Variants in SNX30 observed in about 807,000 individuals in gnomAD.
The protein encoded by SNX30 is sorting nexin family member 30, also known as sorting nexin-30.
SNX30 carries 24 observed loss-of-function variants against 46.4 expected under a neutral mutation model. The observed-to-expected ratio is 0.52, with a 90% CI of 0.37 to 0.73. The LOEUF (loss-of-function observed/expected upper bound fraction) is 0.73. Ranked by LOEUF, SNX30 falls within the 30% of genes least tolerant of loss-of-function variation. The pLI is 0.00. For missense variants in SNX30, 533 were observed against 555.7 expected (o/e 0.96, Z 0.41); for synonymous variants, 189 against 211.5 (o/e 0.89, Z 0.92).
In SNX30 at chr9:112,836,415, C is replaced by G. The variant is rs763790191; in HGVS notation, c.814+6C>G. ...GATCATCAAAGAAGAAATAGGTGAG[C>G]TGTCTGTTGAGGTCTCGATTATGCC... On this transcript the variant is annotated splice_donor_region_variant and intron_variant, in intron 5 of 8. Transcript: ENST00000374232. The G allele has an allele frequency of 6.3e-7, 1 of 1,587,192 alleles. No individual in the cohort carries two copies. Among genetic ancestry groups the G allele is most frequent in the Non-Finnish European group, 8.6e-7 (1 of 1,157,472 alleles).
At chr9:112,811,845 TTACTA>T (rs1414264695) in intron 2 of SNX30, among the ~76,000 whole-genome samples, 2 of 152,242 alleles carry the variant, frequency 1.3e-5, no homozygotes, top group African/African-American at 2.4e-5. Context: ...AAAAAATTGT[TTACTA>T]TAGGTATTCA....
intron 4 of SNX30, among the ~76,000 whole-genome samples, chr9:112,832,432 G>C (rs895302715): frequency 1.1e-4 from 7 of 65,280 alleles, no homozygotes; most frequent in Non-Finnish European, 2.1e-4. Flanking sequence ...AAGTAGGAAA[G>C]AGAGAGAGAG....
chr9:112,805,857 A>G (rs558542023), intron 2 of SNX30, among the ~76,000 whole-genome samples: 146 of 152,358 alleles, frequency 9.6e-4, no homozygotes, highest in African/African-American at 3.4e-3. Context: ...AACTCGCTCA[A>G]AGTTACAAAG....
chr9:112,820,466 G>C (rs1840474269), intron 3 of SNX30, among the ~76,000 whole-genome samples: 1 of 152,102 alleles, frequency 6.6e-6, no homozygotes, highest in Non-Finnish European at 1.5e-5. Flanking sequence ...CCCTGCCTTG[G>C]GGAACTTATT....
intron 3 of SNX30, among the ~76,000 whole-genome samples, chr9:112,822,455 A>G (rs1222190739): frequency 6.6e-6 from 1 of 151,354 alleles, no homozygotes; most frequent in Non-Finnish European, 1.5e-5. Context: ...GCTTGTATGT[A>G]CCCCTGATAC....
chr9:112,804,779 C>A lies in SNX30; in HGVS notation c.160C>A (p.Leu54Ile). Residue 54 changes from leucine (L) to isoleucine (I), a missense_variant, in exon 2 of 9, where the codon CTC (leucine) becomes ATC (isoleucine). Around this residue, in one of 3 missense-constraint regions of SNX30, gnomAD observed 191 missense variants for 160.3 expected, o/e 1.19. Coordinates refer to ENST00000374232, the MANE Select transcript of SNX30 (RefSeq NM_001012994.2). The part of the protein sequence containing the change: ...LMARSFGDKD[L>I]ILPNGGTPAG... ...AGGTGCTCTTTTCTTCTTTTAGGAT[C>A]TCATTTTGCCCAACGGTGGTACTCC... The A allele has an allele frequency of 1.9e-6, 3 of 1,597,532 alleles. No individual in the cohort carries two copies. The highest frequency in any genetic ancestry group is 2.6e-6 in the Non-Finnish European group (3 of 1,171,310).
chr9:112,812,319 G>A (rs1263675106), intron 2 of SNX30, among the ~76,000 whole-genome samples: 4 of 152,030 alleles, frequency 2.6e-5, no homozygotes, highest in African/African-American at 4.8e-5. Context: ...GTAGTGATGC[G>A]ATCTCGGCTC....
intron 7 of SNX30, among the ~76,000 whole-genome samples, chr9:112,852,968 G>T (rs1273100354): frequency 6.6e-6 from 1 of 152,120 alleles, no homozygotes; most frequent in Non-Finnish European, 1.5e-5. Flanking sequence ...TTTTTGTAGT[G>T]TCCTTAATGT....
chr9:112,820,103 GACA>G (rs530183872), intron 3 of SNX30, among the ~76,000 whole-genome samples: 30 of 152,310 alleles, frequency 2.0e-4, no homozygotes, highest in South Asian at 1.2e-3. Context: ...CTCTTCCATA[GACA>G]CTAGAAGAGA....
chr9:112,770,425 C>A (rs534899234), intron 1 of SNX30, among the ~76,000 whole-genome samples: 4 of 151,912 alleles, frequency 2.6e-5, no homozygotes, highest in Admixed American at 1.3e-4. Flanking sequence ...CCCACCTCGT[C>A]CCCCCAAAGT....
intron 1 of SNX30, among the ~76,000 whole-genome samples, chr9:112,756,702 C>G (rs1839355687): frequency 6.6e-6 from 1 of 152,154 alleles, no homozygotes; most frequent in Non-Finnish European, 1.5e-5. Context: ...CTCAGGTGAT[C>G]CGCCTGCCTC....
At chr9:112,826,026 C>G (rs751371109) in intron 3 of SNX30, among the ~76,000 whole-genome samples, 5 of 152,144 alleles carry the variant, frequency 3.3e-5, no homozygotes, top group Non-Finnish European at 5.9e-5. Context: ...AACATAAGTT[C>G]AATTTGCTAA....
At chr9:112,771,658 G>C (rs139699823) in intron 1 of SNX30, among the ~76,000 whole-genome samples, 3 of 152,258 alleles carry the variant, frequency 2.0e-5, no homozygotes, top group African/African-American at 7.2e-5. Context: ...GGTTAATAAT[G>C]GTTGATACCA....
At chr9:112,883,201 C>G (rs1841602768), downstream of SNX30, among the ~76,000 whole-genome samples, 2 of 152,118 alleles carry the variant, frequency 1.3e-5, no homozygotes, top group South Asian at 4.1e-4. Context: ...ACAGCACGTG[C>G]AGACCTGCCT....
At position 112,871,932 on chromosome 9, in the gene SNX30, T is replaced by G. The variant is rs774971108; in HGVS notation, c.*3089T>G. ...CCAGGCTTAGCATTGGGTTTTATCC[T>G]TTAATAAAAGTTTTATAATGAATCC... On this transcript the variant is annotated 3_prime_UTR_variant, in exon 9 of 9. Coordinates refer to ENST00000374232, the MANE Select transcript of SNX30 (RefSeq NM_001012994.2). The G allele has an allele frequency of 6.6e-6, 1 of 152,230 alleles. No individual in the cohort carries two copies. The highest frequency in any genetic ancestry group is 1.5e-5 in the Non-Finnish European group (1 of 68,040). 9.4% of individuals were successfully genotyped at this position (152,230 alleles called of 1,614,324 possible).
intron 1 of SNX30, among the ~76,000 whole-genome samples, chr9:112,754,056 T>C (rs1339890821): frequency 6.6e-6 from 1 of 152,204 alleles, no homozygotes; most frequent in African/African-American, 2.4e-5. Flanking sequence ...ACTGGGGTTG[T>C]GATCCTGGAT....
At position 112,864,273 on chromosome 9, in the gene SNX30, G is replaced by A. The variant is rs1841283634; in HGVS notation, c.1128G>A (p.Gln376=). The A allele has an allele frequency of 6.2e-7, 1 of 1,614,128 alleles. No individual in the cohort carries two copies. Among genetic ancestry groups the A allele is most frequent in the Non-Finnish European group, 8.5e-7 (1 of 1,180,022 alleles). Residue 376 remains glutamine (Q), a synonymous_variant, in exon 8 of 9, where the codon CAG becomes CAA. Transcript: ENST00000374232. ...TACCGGCGGACGTCGAGAAATGTCA[G>A]GATCGGATGGAGTGTTTCAATGCTG... ...PKVPADVEKC[Q]DRMECFNADL... is the part of the protein sequence containing the mutation.
At chr9:112,821,393 T>G (rs1840490935) in intron 3 of SNX30, among the ~76,000 whole-genome samples, 1 of 152,202 alleles carries the variant, frequency 6.6e-6, no homozygotes. Flanking sequence ...TAGTTCTTTT[T>G]TCAAATTTTA....
chr9:112,823,719 C>A (rs1372823520), intron 3 of SNX30, among the ~76,000 whole-genome samples: 1 of 151,972 alleles, frequency 6.6e-6, no homozygotes, highest in Non-Finnish European at 1.5e-5. Context: ...TGTAATGCAA[C>A]AATTTTTTTT....
Sources: gnomAD v4.1 joint callset for allele counts (sites outside exome capture counted in the v4.1 genomes callset) on GRCh38, gnomAD v4.1.1 for gene constraint, gnomAD v4.1.1 regional missense constraint, MANE v1.5 for transcripts, NCBI Gene and HGNC (gene_info 2026-07-23, HGNC 2026-07-21) for gene names.